ZNF469: variants seen among roughly 807,000 people sequenced by gnomAD.
ZNF469 encodes the protein zinc finger protein 469.
A neutral mutation model predicts 1.0 loss-of-function variants in ZNF469; 1 was observed. That is an observed-to-expected ratio of 1.00 (90% CI 0.35 to 4.73). ZNF469 has a LOEUF of 4.73. Among genes scored for constraint, ZNF469 ranks in the 30% most tolerant of loss-of-function variants. The pLI is 0.16. For synonymous variants in ZNF469, 2,703 were observed against 2,363.4 expected (o/e 1.14, Z -4.17); for missense variants, 6,100 against 5,356.3 (o/e 1.14, Z -4.33).
chr16:88,392,820 C>A (rs1904527016), intron 1 of ZNF469, among the ~76,000 whole-genome samples: 1 of 152,258 alleles, frequency 6.6e-6, no homozygotes, highest in African/African-American at 2.4e-5. Flanking sequence ...ATCGCCCTGC[C>A]TTTCCTCTGA....
At chr16:88,340,831 C>T in the ZNF469 span, among the ~76,000 whole-genome samples, 1 of 152,092 alleles carries the variant, frequency 6.6e-6, no homozygotes, top group African/African-American at 2.4e-5. Flanking sequence ...GCAGAGGTGT[C>T]AGGCAGAGCC....
the ZNF469 span, among the ~76,000 whole-genome samples, chr16:88,286,777 G>A: frequency 6.6e-6 from 1 of 152,248 alleles, no homozygotes; most frequent in Non-Finnish European, 1.5e-5. Context: ...GAACAGGACA[G>A]ATACTGCCCT....
the ZNF469 span, among the ~76,000 whole-genome samples, chr16:88,144,029 G>C: frequency 6.8e-6 from 1 of 147,724 alleles, no homozygotes; most frequent in Non-Finnish European, 1.5e-5. Context: ...AGGGGAAACG[G>C]CGCAGGGTCA....
the ZNF469 span, among the ~76,000 whole-genome samples, chr16:88,196,754 G>C: frequency 3.3e-5 from 5 of 152,336 alleles, no homozygotes; most frequent in East Asian, 9.7e-4. Context: ...GAGGCTCAGA[G>C]CTCCACCAAC....
At chr16:88,328,836 G>T in the ZNF469 span, among the ~76,000 whole-genome samples, 4 of 152,208 alleles carry the variant, frequency 2.6e-5, no homozygotes, top group Admixed American at 6.5e-5. Flanking sequence ...GGTGTCCAGA[G>T]AAAACAGCTG....
At chr16:88,402,463 G>A (rs1904909852) in intron 1 of ZNF469, among the ~76,000 whole-genome samples, 1 of 152,084 alleles carries the variant, frequency 6.6e-6, no homozygotes, top group African/African-American at 2.4e-5. Flanking sequence ...GACAGTCTGG[G>A]GGCACCAGCT....
the ZNF469 span, among the ~76,000 whole-genome samples, chr16:88,193,295 TGG>T: frequency 6.7e-6 from 1 of 149,204 alleles, no homozygotes; most frequent in Non-Finnish European, 1.5e-5. Flanking sequence ...GAGATGGTGG[TGG>T]TGGGGTTGGT....
the ZNF469 span, among the ~76,000 whole-genome samples, chr16:88,227,758 C>T: frequency 6.6e-6 from 1 of 152,206 alleles, no homozygotes; most frequent in Non-Finnish European, 1.5e-5. Context: ...TGCCACACAC[C>T]GGAGGCTTAA....
At chr16:88,324,229 G>A in the ZNF469 span, among the ~76,000 whole-genome samples, 14 of 152,358 alleles carry the variant, frequency 9.2e-5, no homozygotes, top group Middle Eastern at 3.4e-3. Context: ...GTTTCGGACC[G>A]CCAGCCCTGA....
At chr16:88,125,508 A>G in the ZNF469 span, among the ~76,000 whole-genome samples, 1 of 152,206 alleles carries the variant, frequency 6.6e-6, no homozygotes, top group Non-Finnish European at 1.5e-5. Context: ...AGTTAAATCT[A>G]TTGGCCGATT....
the ZNF469 span, among the ~76,000 whole-genome samples, chr16:88,133,228 G>T: frequency 1.3e-5 from 2 of 152,262 alleles, no homozygotes; most frequent in African/African-American, 2.4e-5. Flanking sequence ...CTCGTCCTTG[G>T]TATTGTTTCT....
At chr16:88,387,840 C>T (rs566479203) in intron 1 of ZNF469, among the ~76,000 whole-genome samples, 1 of 152,320 alleles carries the variant, frequency 6.6e-6, no homozygotes, top group South Asian at 2.1e-4. Flanking sequence ...GCTCTGCCCC[C>T]CGCCGTGGAG....
chr16:88,128,463 A>G, the ZNF469 span, among the ~76,000 whole-genome samples: 35 of 152,194 alleles, frequency 2.3e-4, no homozygotes, highest in African/African-American at 8.4e-4. Context: ...CTCAAATACA[A>G]TCGATCCTCC....
chr16:88,246,600 T>G, the ZNF469 span, among the ~76,000 whole-genome samples: 152,318 of 152,364 alleles, frequency 1, 76,136 homozygotes, highest in Non-Finnish European at 1. Context: ...CAGAATTTTT[T>G]ATTCGTAGGT....
chr16:88,268,010 T>G, the ZNF469 span, among the ~76,000 whole-genome samples: 54 of 151,882 alleles, frequency 3.6e-4, no homozygotes, highest in African/African-American at 1.3e-3. Context: ...TCCTCTGGGT[T>G]TTGATCAGGG....
At chr16:88,405,518 G>A (rs1055484277) in intron 1 of ZNF469, among the ~76,000 whole-genome samples, 1 of 152,124 alleles carries the variant, frequency 6.6e-6, no homozygotes, top group Non-Finnish European at 1.5e-5. Flanking sequence ...CCCAGCAACT[G>A]AGGCATTTGC....
Position 88,429,666 on chromosome 16 carries a change from C to T in ZNF469, c.2196C>T (p.Thr732=), listed in dbSNP as rs1244730051. ...TGGACCAGCTGGACGTGCTGCTGAC[C>T]TGCAGGCAGTGTGACCGCAACTACA... ...ASLDQLDVLL[T]CRQCDRNYSS... The change falls in exon 3 of 3, where the codon ACC becomes ACT. Residue 732 remains threonine (T), a synonymous_variant. Transcript: ENST00000565624. 4 of 1,542,436 alleles carry T rather than the reference C, an allele frequency of 2.6e-6. No homozygotes were observed. The highest frequency in any genetic ancestry group is 1.4e-5 in the African/African-American group (1 of 73,030).
At chr16:88,114,905 G>T in the ZNF469 span, among the ~76,000 whole-genome samples, 1 of 152,214 alleles carries the variant, frequency 6.6e-6, no homozygotes, top group Non-Finnish European at 1.5e-5. Flanking sequence ...AACAGGCCAG[G>T]GCGAAAATGT....
At chr16:88,253,828 C>T in the ZNF469 span, among the ~76,000 whole-genome samples, 184 of 152,280 alleles carry the variant, frequency 1.2e-3, no homozygotes, top group African/African-American at 2.7e-3. Flanking sequence ...CGTGCACCAC[C>T]GCGCCCAGCC....
Sources: gnomAD v4.1 joint callset for allele counts (sites outside exome capture counted in the v4.1 genomes callset) on GRCh38, gnomAD v4.1.1 for gene constraint, MANE v1.5 for transcripts, NCBI Gene and HGNC (gene_info 2026-07-23, HGNC 2026-07-21) for gene names.